SVOP: variants seen among roughly 807,000 people sequenced by gnomAD.
SVOP encodes SV2 related protein, also known as synaptic vesicle 2-related protein.
SVOP carries 17 observed loss-of-function variants against 69.1 expected under a neutral mutation model. The observed-to-expected ratio is 0.25, with a 90% CI of 0.17 to 0.37. The LOEUF is 0.37. Ranked by LOEUF, SVOP falls within the 10% of genes least tolerant of loss-of-function variation. The pLI, the probability that SVOP is intolerant of heterozygous loss-of-function variation, is 1.00. For synonymous variants in SVOP, 238 were observed against 238.6 expected (o/e 1.00, Z 0.02); for missense variants, 435 against 597.5 (o/e 0.73, Z 2.84).
chr12:108,940,768 C>G lies in SVOP; in HGVS notation c.768+16G>C, dbSNP rs2039886264. On this transcript the variant is annotated intron_variant, in intron 8 of 15. Coordinates refer to ENST00000610966, the MANE Select transcript of SVOP (RefSeq NM_018711.5). ...TGTCAGACAGCAAAAGGTGAAATCT[C>G]TTAAAGGATACCTACGAAACACAGC... is the stretch of plus-strand genomic sequence containing the variant. The G allele has an allele frequency of 6.5e-7, 1 of 1,536,880 alleles. No individual in the cohort carries two copies. The highest frequency in any genetic ancestry group is 8.7e-7 in the Non-Finnish European group (1 of 1,146,656).
rs1281822586 is a variant in SVOP at position 108,978,008 on chromosome 12, A to C, written c.283-512T>G. Among the ~76,000 whole-genome samples the C allele has an allele frequency of 2.0e-5, 3 of 152,212 alleles. No homozygotes were observed. The South Asian group carries it at 6.2e-4, about 31-fold the overall frequency. On this transcript the variant is annotated intron_variant, in intron 3 of 15. Coordinates refer to ENST00000610966, the MANE Select transcript of SVOP (RefSeq NM_018711.5). ...TACGAGACTAGACAGACTAGGACAG[A>C]CATGGAATCTAGAAGCATGCCCATG...
chr12:108,967,063 T>G (rs1315312602), intron 5 of SVOP, among the ~76,000 whole-genome samples: 2 of 152,154 alleles, frequency 1.3e-5, no homozygotes, highest in Non-Finnish European at 2.9e-5. Flanking sequence ...ATGAGAAAAC[T>G]GAGACACAGA....
At chr12:108,998,196 G>A (rs2040247595) in intron 1 of SVOP, among the ~76,000 whole-genome samples, 1 of 152,194 alleles carries the variant, frequency 6.6e-6, no homozygotes, top group South Asian at 2.1e-4. Flanking sequence ...CGATCAACTG[G>A]AAGAAAGAGT....
At chr12:108,913,722 C>A (rs1040771698) in intron 15 of SVOP, among the ~76,000 whole-genome samples, 21 of 152,168 alleles carry the variant, frequency 1.4e-4, no homozygotes, top group Non-Finnish European at 3.1e-4. Flanking sequence ...AATCTTGGCT[C>A]ACTGCAACCT....
intron 1 of SVOP, among the ~76,000 whole-genome samples, chr12:109,014,974 A>G (rs2040360203): frequency 6.6e-6 from 1 of 152,074 alleles, no homozygotes; most frequent in Non-Finnish European, 1.5e-5. Context: ...TTCCTCTCGC[A>G]TTGGTCTCCC....
At position 109,009,933 on chromosome 12, in the gene SVOP, C is replaced by CT. The variant is rs34476544; in HGVS notation, c.35+10900_35+10901insA. ...GTGAATAGTGTTGAGGCTGAGAAACCCTGGGTTAAAGAGTGAATGAGATAC... is the reference window on the plus strand; with the variant it reads ...GTGAATAGTGTTGAGGCTGAGAAACCTCTGGGTTAAAGAGTGAATGAGATAC... On this transcript the variant is annotated intron_variant, in intron 1 of 15. Transcript: ENST00000610966. Among the ~76,000 whole-genome samples, 578 of 151,896 alleles carry CT rather than the reference C, an allele frequency of 3.8e-3. 2 individuals carry two copies. The highest frequency in any genetic ancestry group is 6.2e-3 in the Non-Finnish European group (421 of 67,932).
intron 5 of SVOP, among the ~76,000 whole-genome samples, chr12:108,970,110 A>G (rs1304064089): frequency 6.6e-6 from 1 of 152,206 alleles, no homozygotes; most frequent in African/African-American, 2.4e-5. Flanking sequence ...TGCTGGCCCA[A>G]GTTTCCTGCG....
chr12:108,914,233 C>T (rs2039701022), intron 15 of SVOP, among the ~76,000 whole-genome samples: 1 of 152,092 alleles, frequency 6.6e-6, no homozygotes, highest in Non-Finnish European at 1.5e-5. Flanking sequence ...CTTAGTGGAT[C>T]CAGGGGTTTA....
chr12:108,915,796 G>A lies in SVOP; in HGVS notation c.1427C>T (p.Pro476Leu), dbSNP rs747677894. 2.5e-6 allele frequency: 4 copies of A among 1,606,144 alleles called. No homozygotes were observed. Among genetic ancestry groups the A allele is most frequent in the South Asian group, 2.2e-5 (2 of 89,276 alleles). The change falls in exon 15 of 16, where the codon CCG becomes CTG. Residue 476 changes from proline to leucine, a missense_variant. By Grantham distance (98) the Pro-to-Leu change is moderately conservative. Coordinates refer to ENST00000610966, the MANE Select transcript of SVOP (RefSeq NM_018711.5). ...GMARVGALIT[P>L]FIAQVMLESS... ...GGCAGCACCTACCTGGGCGATGAACGGAGTGATGAGAGCACCCACTCTTGC... is the reference window on the plus strand; with the variant it reads ...GGCAGCACCTACCTGGGCGATGAACAGAGTGATGAGAGCACCCACTCTTGC...
At chr12:109,017,770 C>T (rs1380493420) in intron 1 of SVOP, among the ~76,000 whole-genome samples, 1 of 152,098 alleles carries the variant, frequency 6.6e-6, no homozygotes, top group Non-Finnish European at 1.5e-5. Context: ...TCTCGAACTG[C>T]TGACCTCAAA....
In SVOP at chr12:108,912,488, C is replaced by G. The variant is rs571205815; in HGVS notation, c.*47G>C. 6.2e-7 allele frequency: 1 copy of G among 1,608,874 alleles called. No individual in the cohort carries two copies. The highest frequency in any genetic ancestry group is 1.3e-5 in the African/African-American group (1 of 74,974). ...GTGCCCCAGTTGGGGCCTGCCAGCC[C>G]CCCAAGCTCTGCAGCCTCAAAGACC... On this transcript the variant is annotated 3_prime_UTR_variant, in exon 16 of 16. Transcript: ENST00000610966.
chr12:108,941,402 T>A (rs1292498554), intron 7 of SVOP, among the ~76,000 whole-genome samples: 1 of 152,100 alleles, frequency 6.6e-6, no homozygotes, highest in East Asian at 1.9e-4. Flanking sequence ...TCTTTTGTAT[T>A]TTTAGTAGAG....
chr12:108,931,703 G>A (rs1426590604), intron 11 of SVOP, among the ~76,000 whole-genome samples: 2 of 152,020 alleles, frequency 1.3e-5, no homozygotes, highest in African/African-American at 2.4e-5. Flanking sequence ...GCGTGATGGC[G>A]GTCGCCTGTA....
At chr12:108,916,568 T>C (rs7962835) in intron 14 of SVOP, among the ~76,000 whole-genome samples, 54,426 of 151,966 alleles carry the variant, frequency 0.36, 10,409 homozygotes, top group South Asian at 0.58. Context: ...TGCCTCCCCA[T>C]GCCACCTTAT....
chr12:108,933,157 G>C (rs557095974), intron 11 of SVOP, among the ~76,000 whole-genome samples: 2 of 152,124 alleles, frequency 1.3e-5, no homozygotes, highest in African/African-American at 4.8e-5. Context: ...CTACATGCAC[G>C]AGCCACCACG....
intron 6 of SVOP, among the ~76,000 whole-genome samples, chr12:108,953,079 G>C (rs1175810940): frequency 6.6e-6 from 1 of 151,626 alleles, no homozygotes; most frequent in Non-Finnish European, 1.5e-5. Context: ...AGAGAAGGAG[G>C]GTTGTAGAAA....
intron 1 of SVOP, among the ~76,000 whole-genome samples, chr12:108,991,141 C>T (rs979597955): frequency 6.6e-6 from 1 of 152,218 alleles, no homozygotes; most frequent in Non-Finnish European, 1.5e-5. Flanking sequence ...GGCAAACATC[C>T]TGCCGTCTGG....
At chr12:108,979,093 A>ACG (rs2040122377) in intron 2 of SVOP, among the ~76,000 whole-genome samples, 1 of 152,242 alleles carries the variant, frequency 6.6e-6, no homozygotes, top group Non-Finnish European at 1.5e-5. Flanking sequence ...GTGGGTGTAC[A>ACG]TGTATCTATC....
chr12:108,976,346 G>A lies in SVOP; in HGVS notation c.381+1052C>T, dbSNP rs556263718. ...ATCTACAAAAAACAACATTCTGGGA[G>A]GCATCCTGAATTGGCAGTGACTCCA... On this transcript the variant is annotated intron_variant, in intron 4 of 15. Coordinates refer to ENST00000610966, the MANE Select transcript of SVOP (RefSeq NM_018711.5). Among the ~76,000 whole-genome samples the A allele has an allele frequency of 1.0e-3, 157 of 152,272 alleles. 4 individuals are homozygous for A. The South Asian group carries it at 0.02, about 20-fold the overall frequency.
Sources: allele counts gnomAD v4.1 joint callset (sites outside exome capture counted in the v4.1 genomes callset), GRCh38; gene constraint gnomAD v4.1.1; transcripts MANE v1.5; gene names NCBI Gene and HGNC (gene_info 2026-07-23, HGNC 2026-07-21).